MALRD1: variants seen among roughly 807,000 people sequenced by gnomAD.
MALRD1 encodes the protein MAM and LDL-receptor class A domain-containing protein 1.
In MALRD1, 247 loss-of-function variants were observed where a neutral mutation model predicts 242.1. The ratio of observed to expected loss-of-function variants is 1.02; its 90% CI spans 0.92 to 1.13. The LOEUF is 1.13. Ranked by LOEUF, MALRD1 falls within the 50% of genes most tolerant of loss-of-function variation. The pLI, the probability that MALRD1 is intolerant of heterozygous loss-of-function variation, is 0.00. For synonymous variants in MALRD1, 995 were observed against 866.6 expected (o/e 1.15, Z -2.60); for missense variants, 2,989 against 2,533.1 (o/e 1.18, Z -3.86).
In MALRD1 at chr10:19,415,886, G is replaced by A. The variant is rs572931920; in HGVS notation, c.4845+26277G>A. On this transcript the variant is annotated intron_variant, in intron 28 of 39. Coordinates refer to ENST00000454679, the MANE Select transcript of MALRD1 (RefSeq NM_001142308.3). The stretch of plus-strand genomic sequence containing the variant: ...CATCAGTTTTCTGTGTTGTTCACAC[G>A]TGAATTCCAAATATTAAGAATACGG... 1.1e-4 allele frequency among the ~76,000 whole-genome samples: 17 copies of A among 152,266 alleles called. No homozygotes were observed. The South Asian group carries it at 2.7e-3, about 24-fold the overall frequency.
chr10:19,399,776 A>G (rs948960886), intron 28 of MALRD1, among the ~76,000 whole-genome samples: 3 of 152,216 alleles, frequency 2.0e-5, no homozygotes, highest in Non-Finnish European at 4.4e-5. Flanking sequence ...AGAAATATTT[A>G]GACTTACATT....
At chr10:19,508,949 A>G (rs528280734) in intron 31 of MALRD1, among the ~76,000 whole-genome samples, 2 of 152,308 alleles carry the variant, frequency 1.3e-5, no homozygotes, top group East Asian at 3.9e-4. Context: ...TTATAAATTT[A>G]CACACTTGCA....
chr10:19,209,220 T>C (rs1450702426), intron 17 of MALRD1, 48 bp from the exon 18 acceptor site: 1 of 1,426,294 alleles, frequency 7.0e-7, no homozygotes, highest in East Asian at 2.5e-5. Flanking sequence ...TGGTTGCATG[T>C]ATTTTTGTCC....
chr10:19,371,123 T>A (rs1380585553), intron 26 of MALRD1, among the ~76,000 whole-genome samples: 1 of 142,796 alleles, frequency 7.0e-6, no homozygotes, highest in Non-Finnish European at 1.5e-5. Flanking sequence ...AAAAGCCAGG[T>A]GTGGTGGCAT....
chr10:19,078,236 G>C (rs1835378103), intron 2 of MALRD1, among the ~76,000 whole-genome samples: 3 of 151,596 alleles, frequency 2.0e-5, no homozygotes, highest in Admixed American at 2.0e-4. Flanking sequence ...GTGCCATGTT[G>C]GTGTGCTGCA....
chr10:19,719,967 G>C (rs957006604), intron 38 of MALRD1, among the ~76,000 whole-genome samples: 1 of 151,968 alleles, frequency 6.6e-6, no homozygotes, highest in African/African-American at 2.4e-5. Flanking sequence ...TATTTTATGG[G>C]AGTGTACACT....
At chr10:19,127,931 C>T (rs1023926060) in intron 7 of MALRD1, among the ~76,000 whole-genome samples, 1 of 152,050 alleles carries the variant, frequency 6.6e-6, no homozygotes, top group African/African-American at 2.4e-5. Flanking sequence ...GGTGGTATAG[C>T]AATTTGTATA....
At chr10:19,316,467 C>T (rs1842711651) in intron 21 of MALRD1, among the ~76,000 whole-genome samples, 1 of 151,884 alleles carries the variant, frequency 6.6e-6, no homozygotes, top group Admixed American at 6.6e-5. Flanking sequence ...GCAAACAATA[C>T]AGAATGTTCT....
chr10:19,507,585 A>G (rs1350976464), intron 31 of MALRD1, among the ~76,000 whole-genome samples: 1 of 152,194 alleles, frequency 6.6e-6, no homozygotes, highest in Non-Finnish European at 1.5e-5. Context: ...TATGATACAT[A>G]AATTCTTCTT....
chr10:19,531,457 C>A, intron 32 of MALRD1, 106 bp downstream of exon 32: 2 of 1,062,428 alleles, frequency 1.9e-6, no homozygotes, highest in Non-Finnish European at 2.6e-6. Context: ...ACCGCCAGTG[C>A]TGATGCCATT....
chr10:19,220,883 C>G (rs1212166777), intron 18 of MALRD1, among the ~76,000 whole-genome samples: 1 of 152,126 alleles, frequency 6.6e-6, no homozygotes, highest in East Asian at 1.9e-4. Context: ...CAATCTTCAA[C>G]CCACTTTCTC....
intron 10 of MALRD1, among the ~76,000 whole-genome samples, chr10:19,139,318 G>A (rs1165757754): frequency 6.6e-6 from 1 of 152,100 alleles, no homozygotes; most frequent in Non-Finnish European, 1.5e-5. Flanking sequence ...AAACCATATT[G>A]AAACATTTTA....
intron 26 of MALRD1, among the ~76,000 whole-genome samples, chr10:19,368,492 C>A (rs1404531290): frequency 7.2e-5 from 11 of 151,920 alleles, no homozygotes; most frequent in Admixed American, 7.2e-4. Context: ...TGTTTTTATG[C>A]CAATACCATG....
intron 34 of MALRD1, among the ~76,000 whole-genome samples, chr10:19,595,724 C>T (rs546582112): frequency 2.6e-4 from 39 of 151,970 alleles, no homozygotes; most frequent in Non-Finnish European, 4.1e-4. Context: ...TGGGAGATGC[C>T]GTTATGTGTT....
chr10:19,368,254 G>A (rs748631641), intron 26 of MALRD1, among the ~76,000 whole-genome samples: 6 of 151,932 alleles, frequency 3.9e-5, no homozygotes, highest in East Asian at 1.9e-4. Flanking sequence ...TTATAGTTTT[G>A]TGTCTTAAAT....
At chr10:19,400,708 T>C (rs1209756624) in intron 28 of MALRD1, among the ~76,000 whole-genome samples, 2 of 152,032 alleles carry the variant, frequency 1.3e-5, no homozygotes, top group Non-Finnish European at 2.9e-5. Flanking sequence ...GAAAGACAAG[T>C]AGAATTTGGA....
Position 19,335,805 on chromosome 10 carries a change from A to AT in MALRD1, c.3901+4232dup, listed in dbSNP as rs985780617. Among the ~76,000 whole-genome samples, 7 of 151,060 alleles carry AT rather than the reference A, an allele frequency of 4.6e-5. No homozygotes were observed. In the East Asian group the frequency reaches 1.2e-3, roughly 25 times the overall value. ...ATATAAAACATTTCATGGAGAAAAA[A>AT]TTTTTTTTTATTATTATACTTTAAG... On this transcript the variant is annotated intron_variant, in intron 24 of 39. Transcript: ENST00000454679.
In MALRD1 at chr10:19,606,520, A is replaced by G. The variant is rs534363584; in HGVS notation, c.5945-1257A>G. On this transcript the variant is annotated intron_variant, in intron 34 of 39. Transcript: ENST00000454679. The stretch of plus-strand genomic sequence containing the variant: ...AGAGGAGCAGGGTTAGAAAACAAGT[A>G]TAGATCAATACCATTATTATTTAGT... Among the ~76,000 whole-genome samples, 3 of 152,288 alleles carry G rather than the reference A, an allele frequency of 2.0e-5. No homozygotes were observed. The South Asian group carries it at 6.2e-4, about 32-fold the overall frequency.
At position 19,315,517 on chromosome 10, in the gene MALRD1, A is replaced by G. The variant is rs1416745109; in HGVS notation, c.3420-8432A>G. ...ATATATAACTATAATTTATATAAAT[A>G]TATAACTATAATTTATATAAATATA... On this transcript the variant is annotated intron_variant, in intron 21 of 39. Transcript: ENST00000454679. Among the ~76,000 whole-genome samples the G allele has an allele frequency of 1.7e-4, 5 of 28,718 alleles. 1 individual carries two copies. Among genetic ancestry groups the G allele is most frequent in the African/African-American group, 7.1e-4 (5 of 7,062 alleles). The allele number at this position is 28,718 out of a possible 152,430, so 18.8% of individuals were successfully genotyped here. A position where few individuals can be genotyped will look rare whatever the true frequency, so the allele number is the denominator to read the frequency against.
Sources: allele counts gnomAD v4.1 joint callset (sites outside exome capture counted in the v4.1 genomes callset), GRCh38; gene constraint gnomAD v4.1.1; transcripts MANE v1.5; gene names NCBI Gene and HGNC (gene_info 2026-07-23, HGNC 2026-07-21).